The following GNAI1 variants were observed in gnomAD, a reference collection of about 807,000 sequenced individuals.
GNAI1 encodes guanine nucleotide-binding protein G(i) subunit alpha-1.
Under a neutral mutation model 38.9 loss-of-function variants are expected in GNAI1, and 11 were observed. The observed-to-expected ratio is 0.28, with a 90% CI of 0.18 to 0.47. The LOEUF is 0.47. Ranked by LOEUF, GNAI1 falls within the 20% of genes least tolerant of loss-of-function variation. The probability of loss-of-function intolerance (pLI) is 0.99; values close to 1 mark genes in which losing one functional copy is unlikely to be tolerated. For synonymous variants in GNAI1, 166 were observed against 145.1 expected (o/e 1.14, Z -1.04); for missense variants, 317 against 436.9 (o/e 0.73, Z 2.45).
At chr7:80,181,273 A>G (rs931215072) in intron 1 of GNAI1, among the ~76,000 whole-genome samples, 1 of 152,174 alleles carries the variant, frequency 6.6e-6, no homozygotes, top group African/African-American at 2.4e-5. Context: ...CAAACCAGAT[A>G]GAGTGGTAGA....
Position 80,135,880 on chromosome 7 carries a change from C to T in GNAI1, c.118+602C>T, listed in dbSNP as rs936893034. 17 of 985,356 alleles carry T rather than the reference C, an allele frequency of 1.7e-5. No homozygotes were observed. In the African/African-American group the frequency reaches 2.6e-4, roughly 15 times the overall value. The allele number at this position is 985,356 out of a possible 1,614,324, so 61.0% of individuals were successfully genotyped here. On this transcript the variant is annotated intron_variant, in intron 1 of 7. Transcript: ENST00000649796. ...ACATTCCCCCTGCGCTGAGAAAAGGCTGCGCTGGATGCTTGATTTTTCTTG... is the reference window on the plus strand; with the variant it reads ...ACATTCCCCCTGCGCTGAGAAAAGGTTGCGCTGGATGCTTGATTTTTCTTG...
chr7:80,143,248 A>G (rs980952210), intron 1 of GNAI1, among the ~76,000 whole-genome samples: 10 of 152,338 alleles, frequency 6.6e-5, no homozygotes, highest in African/African-American at 2.4e-4. Flanking sequence ...ATACATAAAG[A>G]TAAGTCCTCA....
At chr7:80,164,409 C>G (rs553970416) in intron 1 of GNAI1, among the ~76,000 whole-genome samples, 59 of 151,870 alleles carry the variant, frequency 3.9e-4, no homozygotes, top group African/African-American at 1.4e-3. Context: ...GTCGCCCAGG[C>G]TGGAGTGCAG....
At chr7:80,172,823 T>TA (rs201738676) in intron 1 of GNAI1, among the ~76,000 whole-genome samples, 1,557 of 152,292 alleles carry the variant, frequency 0.01, 8 homozygotes, top group Non-Finnish European at 0.015. Context: ...CAAATTTTTT[T>TA]TAAAAAACTT....
intron 3 of GNAI1, among the ~76,000 whole-genome samples, chr7:80,194,044 G>A (rs1003338067): frequency 6.6e-5 from 10 of 152,136 alleles, no homozygotes; most frequent in African/African-American, 2.2e-4. Context: ...TAGTTTGTCT[G>A]TGTCTGTCTG....
chr7:80,135,690 C>T lies in GNAI1; in HGVS notation c.118+412C>T, dbSNP rs532047078. ...ACCAACCCCCTCCCGGAAAACCCTT[C>T]TTCGTGTGCGGTGTAGGTTGTGTTT... On this transcript the variant is annotated intron_variant, in intron 1 of 7. Coordinates refer to ENST00000649796, the MANE Select transcript of GNAI1 (RefSeq NM_002069.6). The T allele has an allele frequency of 1.2e-4, 40 of 347,240 alleles. No individual in the cohort carries two copies. In the South Asian group the frequency reaches 4.4e-3, roughly 38 times the overall value. The allele number at this position is 347,240 out of a possible 1,614,324, so 21.5% of individuals were successfully genotyped here. A position where few individuals can be genotyped will look rare whatever the true frequency, so the allele number is the denominator to read the frequency against.
At chr7:80,149,666 T>C (rs907250296) in intron 1 of GNAI1, among the ~76,000 whole-genome samples, 5 of 152,180 alleles carry the variant, frequency 3.3e-5, no homozygotes, top group African/African-American at 7.2e-5. Context: ...TGTAATACTT[T>C]ACATGTTTGT....
intron 7 of GNAI1, 80 bp from the exon 8 acceptor site, chr7:80,217,223 T>TATGTATGAAACTGACTTCAGTTTCAG (rs1562846592): frequency 3.2e-5 from 29 of 910,846 alleles, no homozygotes; most frequent in East Asian, 5.1e-5. Flanking sequence ...TTCAGTTTCA[T>TATGTATGAAACTGACTTCAGTTTCAG]ATGTATGAAA....
In GNAI1 at chr7:80,222,592, G is replaced by C. The variant is rs189438438; in HGVS notation, c.*5099G>C. On this transcript the variant is annotated 3_prime_UTR_variant, in exon 8 of 8. Transcript: ENST00000649796. ...AGTAGAGACGGGGTTTCTCCATGTC[G>C]GTCGGGCTGGTCTCGAACTCCTGAC... Among the ~76,000 whole-genome samples the C allele has an allele frequency of 6.6e-6, 1 of 151,726 alleles. No individual in the cohort carries two copies. The highest frequency in any genetic ancestry group is 2.4e-5 in the African/African-American group (1 of 41,296).
intron 6 of GNAI1, among the ~76,000 whole-genome samples, chr7:80,212,017 C>T (rs1584055289): frequency 1.3e-5 from 2 of 152,140 alleles, no homozygotes; most frequent in African/African-American, 4.8e-5. Context: ...GTGTGGGTTC[C>T]ACAGAACTGC....
chr7:80,202,302 A>C (rs967492188), intron 4 of GNAI1, among the ~76,000 whole-genome samples: 8 of 152,138 alleles, frequency 5.3e-5, no homozygotes, highest in East Asian at 1.9e-4. Context: ...GTTGGCCAGG[A>C]TGGTCTTGAT....
At chr7:80,203,928 T>C (rs1584048978) in intron 5 of GNAI1, 96 bp downstream of exon 5, 1 of 723,502 alleles carries the variant, frequency 1.4e-6, no homozygotes, top group East Asian at 3.3e-5. Flanking sequence ...ATTTTTACAG[T>C]TGGAAATTAC....
chr7:80,195,397 TTTCCTCAA>T lies in GNAI1; in HGVS notation c.304-3827_304-3820del, dbSNP rs1788551039. 2.6e-5 allele frequency among the ~76,000 whole-genome samples: 4 copies of T among 151,926 alleles called. No individual in the cohort carries two copies. In the East Asian group the frequency reaches 7.7e-4, roughly 29 times the overall value. ...AAAAGAAAAATGACTTCCTATTTCA[TTTCCTCAA>T]GACATTTTTACTTTGATTATATTTC... On this transcript the variant is annotated intron_variant, in intron 3 of 7. Coordinates refer to ENST00000649796, the MANE Select transcript of GNAI1 (RefSeq NM_002069.6).
chr7:80,188,913 T>C (rs1310544589), intron 1 of GNAI1, 38 bp from the exon 2 acceptor site: 1 of 1,343,142 alleles, frequency 7.4e-7, no homozygotes, highest in South Asian at 1.2e-5. Context: ...TAAGTGATTA[T>C]GATGAAATTA....
intron 1 of GNAI1, among the ~76,000 whole-genome samples, chr7:80,151,108 G>C (rs1469122389): frequency 6.6e-6 from 1 of 152,198 alleles, no homozygotes; most frequent in East Asian, 1.9e-4. Context: ...CTTCTCCCTT[G>C]CCACAGTATG....
intron 7 of GNAI1, among the ~76,000 whole-genome samples, chr7:80,216,521 C>T (rs969895760): frequency 2.0e-5 from 3 of 152,084 alleles, no homozygotes; most frequent in African/African-American, 7.2e-5. Flanking sequence ...ATACAGTATG[C>T]GATCTTTTTG....
intron 1 of GNAI1, among the ~76,000 whole-genome samples, chr7:80,149,220 A>G (rs969293396): frequency 7.3e-5 from 11 of 150,668 alleles, no homozygotes; most frequent in African/African-American, 2.5e-4. Flanking sequence ...TTTAGTGGCT[A>G]TATATGTTTT....
At chr7:80,201,975 TAATCATTTAAAAC>T (rs1788692341) in intron 4 of GNAI1, among the ~76,000 whole-genome samples, 1 of 152,228 alleles carries the variant, frequency 6.6e-6, no homozygotes. Flanking sequence ...TTTAAATTTG[TAATCATTTAAAAC>T]AATCAGAATT....
At chr7:80,187,577 TC>T (rs779686509) in intron 1 of GNAI1, 1 of 152,204 alleles carries the variant, frequency 6.6e-6, no homozygotes, top group Non-Finnish European at 1.5e-5. Context: ...CAGTGGGTGT[TC>T]CTGGAACTGT....
Sources: gnomAD v4.1 joint callset for allele counts (sites outside exome capture counted in the v4.1 genomes callset) on GRCh38, gnomAD v4.1.1 for gene constraint, MANE v1.5 for transcripts, NCBI Gene and HGNC (gene_info 2026-07-23, HGNC 2026-07-21) for gene names.